ZNF506: variants seen among roughly 807,000 people sequenced by gnomAD.
ZNF506 encodes zinc finger protein 506.
Under a neutral mutation model 11.6 loss-of-function variants are expected in ZNF506, and 10 were observed. The observed-to-expected ratio is 0.86, with a 90% CI of 0.53 to 1.46. The LOEUF (loss-of-function observed/expected upper bound fraction) is 1.46, where lower values mean the gene tolerates loss of function less well. Ranked by LOEUF, ZNF506 falls within the 40% of genes most tolerant of loss-of-function variation. ZNF506 has a pLI of 0.00. For synonymous variants in ZNF506, 156 were observed against 173.3 expected (o/e 0.90, Z 0.78); for missense variants, 425 against 521.2 (o/e 0.82, Z 1.80).
intron 3 of ZNF506, chr19:19,796,301 A>C (rs1228806520): frequency 6.6e-6 from 1 of 152,236 alleles, no homozygotes; most frequent in Non-Finnish European, 1.5e-5. Flanking sequence ...ACAAATATGT[A>C]AATTGCCAAC....
chr19:19,814,934 G>A (rs940865235), intron 1 of ZNF506, among the ~76,000 whole-genome samples: 14 of 152,074 alleles, frequency 9.2e-5, no homozygotes, highest in African/African-American at 2.9e-4. Flanking sequence ...AGAGACTTGT[G>A]GATTCTTGGC....
chr19:19,813,453 G>A (rs755430856), intron 1 of ZNF506, among the ~76,000 whole-genome samples: 2 of 152,124 alleles, frequency 1.3e-5, no homozygotes, highest in Admixed American at 6.6e-5. Context: ...TCTGCTGGTA[G>A]GAGTGTAAAT....
Position 19,806,976 on chromosome 19 carries a change from C to T in ZNF506, c.96G>A (p.Val32=). 6.2e-7 allele frequency: 1 copy of T among 1,613,830 alleles called. No homozygotes were observed. Among genetic ancestry groups the T allele is most frequent in the Non-Finnish European group, 8.5e-7 (1 of 1,179,888 alleles). ...TCAGGTTTCTGTAGTTCTCTAACAT[C>T]ACATCCCTATATAGATTCCGCTGTG... ...DAAQRNLYRD[V]MLENYRNLIF... Residue 32 remains valine, a synonymous_variant, in exon 2 of 4, where the codon GTG becomes GTA. Transcript: ENST00000540806.
At chr19:19,796,500 T>C (rs543265192) in intron 3 of ZNF506, 1 of 151,844 alleles carries the variant, frequency 6.6e-6, no homozygotes, top group Non-Finnish European at 1.5e-5. Flanking sequence ...GCCTCCCGGG[T>C]TCACGCCATT....
At chr19:19,799,430 A>C in intron 3 of ZNF506, 1 of 675,184 alleles carries the variant, frequency 1.5e-6, no homozygotes, top group Non-Finnish European at 2.7e-6. Flanking sequence ...AGCTCATAAA[A>C]CATTCCTCTT....
chr19:19,799,944 A>G (rs1197371110), intron 3 of ZNF506, among the ~76,000 whole-genome samples: 1 of 152,200 alleles, frequency 6.6e-6, no homozygotes, highest in East Asian at 1.9e-4. Flanking sequence ...ACAGAATTAA[A>G]ACAATTTGGT....
intron 3 of ZNF506, among the ~76,000 whole-genome samples, chr19:19,801,648 G>A (rs1041963231): frequency 5.3e-5 from 8 of 151,526 alleles, no homozygotes; most frequent in Non-Finnish European, 7.4e-5. Context: ...CAAATTAGCC[G>A]GCTGTGGTGG....
chr19:19,797,123 A>G (rs2062748921), intron 3 of ZNF506: 1 of 147,796 alleles, frequency 6.8e-6, no homozygotes, highest in African/African-American at 2.5e-5. Flanking sequence ...AAGCAACAAT[A>G]AAAAGTGTAT....
chr19:19,795,986 T>G, intron 3 of ZNF506: 1 of 298,626 alleles, frequency 3.3e-6, no homozygotes, highest in Non-Finnish European at 6.6e-6. Context: ...CATTGTGCCT[T>G]TAAAAGTAAA....
At chr19:19,800,706 C>T (rs1398468010) in intron 3 of ZNF506, among the ~76,000 whole-genome samples, 5 of 151,760 alleles carry the variant, frequency 3.3e-5, no homozygotes, top group African/African-American at 4.8e-5. Flanking sequence ...TGAGCCACTG[C>T]GCCTGGCCTA....
chr19:19,801,898 C>T (rs936192698), intron 3 of ZNF506, among the ~76,000 whole-genome samples: 18 of 135,108 alleles, frequency 1.3e-4, no homozygotes, highest in Non-Finnish European at 2.6e-4. Context: ...ATTGATGTAT[C>T]ATTTAAACAA....
Position 19,795,533 on chromosome 19 carries a change from T to A in ZNF506, c.354A>T (p.Glu118Asp), listed in dbSNP as rs753794775. 2.6e-5 allele frequency: 42 copies of A among 1,598,434 alleles called. No homozygotes were observed. The highest frequency in any genetic ancestry group is 4.1e-5 in the African/African-American group (3 of 73,872). Residue 118 changes from glutamate to aspartate, a missense_variant, in exon 4 of 4, where the codon GAA (glutamate) becomes GAT (aspartate). Glu to Asp is a conservative substitution (Grantham distance 45). Around this residue, in one of 3 missense-constraint regions of ZNF506, gnomAD observed 226 missense variants for 279.1 expected, o/e 0.81. Transcript: ENST00000540806. ...TGTGCACTGGACACTCATCTACACT[T>A]TCACAGCCTTTTTTTAACTGTAAAT... The part of the protein sequence containing the change: ...HDNLQLKKGC[E>D]SVDECPVHKR...
intron 1 of ZNF506, 79 bp downstream of exon 1, chr19:19,821,522 T>C: frequency 1.3e-6 from 2 of 1,599,620 alleles, no homozygotes; most frequent in South Asian, 1.1e-5. Flanking sequence ...GTTCTGCCAC[T>C]GCCACAGCCA....
intron 3 of ZNF506, among the ~76,000 whole-genome samples, chr19:19,802,107 A>G (rs1045290622): frequency 6.7e-6 from 1 of 149,312 alleles, no homozygotes; most frequent in Non-Finnish European, 1.5e-5. Flanking sequence ...TGGGAGGCTG[A>G]GGCATGAGAA....
At chr19:19,795,902 C>T in intron 3 of ZNF506, 1 of 464,400 alleles carries the variant, frequency 2.2e-6, no homozygotes, top group African/African-American at 2.1e-5. Context: ...ATGCAAAGAG[C>T]CACATAGAAA....
Position 19,805,858 on chromosome 19 carries a change from CT to C in ZNF506, c.226+172del, listed in dbSNP as rs146758877. 5.6e-3 allele frequency among the ~76,000 whole-genome samples: 849 copies of C among 151,832 alleles called. 9 individuals are homozygous for C. Among genetic ancestry groups the C allele is most frequent in the African/African-American group, 0.02 (813 of 41,398 alleles). ...GAAAAGCATAAGACAGAAGATGCCT[CT>C]TTGTGAGAGCAAAATTAAAAGAAAA... On this transcript the variant is annotated intron_variant, in intron 3 of 3. Coordinates refer to ENST00000540806, the MANE Select transcript of ZNF506 (RefSeq NM_001099269.3).
At chr19:19,805,522 G>T (rs2062828739) in intron 3 of ZNF506, among the ~76,000 whole-genome samples, 1 of 151,330 alleles carries the variant, frequency 6.6e-6, no homozygotes, top group Non-Finnish European at 1.5e-5. Flanking sequence ...TGAGGAAAAA[G>T]AACAAAGCAG....
At chr19:19,797,296 A>C (rs1427947433) in intron 3 of ZNF506, 1 of 152,118 alleles carries the variant, frequency 6.6e-6, no homozygotes, top group Admixed American at 6.6e-5. Flanking sequence ...AATACAAAAA[A>C]TTAGCTAGCC....
At chr19:19,813,917 A>G (rs763913119) in intron 1 of ZNF506, among the ~76,000 whole-genome samples, 2 of 152,164 alleles carry the variant, frequency 1.3e-5, no homozygotes, top group African/African-American at 2.4e-5. Context: ...AGTTGAGGCT[A>G]AAGTAATCCA....
Sources: allele counts gnomAD v4.1 joint callset (sites outside exome capture counted in the v4.1 genomes callset), GRCh38; gene constraint gnomAD v4.1.1; regional missense constraint gnomAD v4.1.1; transcripts MANE v1.5; gene names NCBI Gene and HGNC (gene_info 2026-07-23, HGNC 2026-07-21).